WWC2: variants seen among roughly 807,000 people sequenced by gnomAD.
WWC2 encodes the protein protein WWC2.
WWC2 carries 101 observed loss-of-function variants against 138.5 expected under a neutral mutation model. The observed-to-expected ratio is 0.73, with a 90% CI of 0.62 to 0.86. The LOEUF (loss-of-function observed/expected upper bound fraction) is 0.86, where lower values mean the gene tolerates loss of function less well. Ranked by LOEUF, WWC2 falls within the 40% of genes least tolerant of loss-of-function variation. The pLI is 0.00. For synonymous variants in WWC2, 558 were observed against 538.4 expected (o/e 1.04, Z -0.50); for missense variants, 1,420 against 1,419.4 (o/e 1.00, Z -0.01).
intron 1 of WWC2, among the ~76,000 whole-genome samples, chr4:183,156,217 G>C (rs1345935113): frequency 6.6e-6 from 1 of 151,914 alleles, no homozygotes; most frequent in East Asian, 1.9e-4. Flanking sequence ...GTAGAGATGG[G>C]GTTTTGCCAT....
chr4:183,241,279 CTG>C (rs2111313711), intron 5 of WWC2, among the ~76,000 whole-genome samples: 1 of 152,320 alleles, frequency 6.6e-6, no homozygotes, highest in African/African-American at 2.4e-5. Flanking sequence ...TTCCTTTTCC[CTG>C]TGGAATCTTA....
chr4:183,144,063 T>C (rs1312304056), intron 1 of WWC2, among the ~76,000 whole-genome samples: 1 of 152,180 alleles, frequency 6.6e-6, no homozygotes, highest in Non-Finnish European at 1.5e-5. Context: ...TATAATAAAC[T>C]CTTCTGAGTA....
At chr4:183,237,163 G>T (rs1388741477) in intron 4 of WWC2, among the ~76,000 whole-genome samples, 1 of 152,152 alleles carries the variant, frequency 6.6e-6, no homozygotes, top group Non-Finnish European at 1.5e-5. Context: ...AGTTTTCATT[G>T]TAGAAATCTT....
chr4:183,204,125 C>T (rs907010469), intron 2 of WWC2, among the ~76,000 whole-genome samples: 1 of 152,202 alleles, frequency 6.6e-6, no homozygotes, highest in East Asian at 1.9e-4. Context: ...TGCAAAGTCT[C>T]TGACTCCACA....
chr4:183,229,472 GA>G (rs1560854859), intron 4 of WWC2, among the ~76,000 whole-genome samples: 1 of 151,956 alleles, frequency 6.6e-6, no homozygotes, highest in East Asian at 1.9e-4. Context: ...CTGACAAATA[GA>G]GTATGGAAAG....
chr4:183,107,077 C>T (rs1743385493), intron 1 of WWC2, among the ~76,000 whole-genome samples: 1 of 152,060 alleles, frequency 6.6e-6, no homozygotes, highest in African/African-American at 2.4e-5. Context: ...CTCACCAACA[C>T]TTCTCTCTCT....
At position 183,152,530 on chromosome 4, in the gene WWC2, TAAAAAA is replaced by T. The variant is rs572757609; in HGVS notation, c.132-41058_132-41053del. Among the ~76,000 whole-genome samples, 5 of 126,278 alleles carry T rather than the reference TAAAAAA, an allele frequency of 4.0e-5. No individual in the cohort carries two copies. In the South Asian group the frequency reaches 1.3e-3, roughly 32 times the overall value. The allele number at this position is 126,278 out of a possible 152,430, so 82.8% of individuals were successfully genotyped here. A position where few individuals can be genotyped will look rare whatever the true frequency, so the allele number is the denominator to read the frequency against. ...AAAAGAAAAAAGGTAAAGTGAAACT[TAAAAAA>T]AAAAAAAAAACGCACACACAGGCGT... is the stretch of plus-strand genomic sequence containing the variant. On this transcript the variant is annotated intron_variant, in intron 1 of 22. Coordinates refer to ENST00000403733, the MANE Select transcript of WWC2 (RefSeq NM_024949.6).
chr4:183,177,485 G>A (rs1249303193), intron 1 of WWC2, among the ~76,000 whole-genome samples: 5 of 152,024 alleles, frequency 3.3e-5, no homozygotes, highest in African/African-American at 1.2e-4. Flanking sequence ...AATCAAAGAA[G>A]GAAATTGTAG....
intron 2 of WWC2, among the ~76,000 whole-genome samples, chr4:183,204,478 A>T (rs552665342): frequency 6.6e-6 from 1 of 152,198 alleles, no homozygotes; most frequent in South Asian, 2.1e-4. Context: ...TTACTCCCTA[A>T]CCAGTGCTCT....
intron 4 of WWC2, among the ~76,000 whole-genome samples, chr4:183,220,639 C>T (rs1485215882): frequency 7.2e-5 from 11 of 151,792 alleles, no homozygotes; most frequent in East Asian, 5.8e-4. Flanking sequence ...TTGAGACCAT[C>T]CTGGCTAACA....
At chr4:183,217,693 G>A (rs1280611786) in intron 4 of WWC2, among the ~76,000 whole-genome samples, 1 of 152,090 alleles carries the variant, frequency 6.6e-6, no homozygotes, top group Non-Finnish European at 1.5e-5. Flanking sequence ...AAAGATCAGT[G>A]AAGTTAAAGA....
intron 6 of WWC2, among the ~76,000 whole-genome samples, 152 bp downstream of exon 6, chr4:183,245,697 C>A (rs1736756507): frequency 6.6e-6 from 1 of 152,186 alleles, no homozygotes. Flanking sequence ...TTGTTGCAGG[C>A]ACAAAGGTAG....
At chr4:183,301,466 C>G (rs1191586461) in intron 21 of WWC2, among the ~76,000 whole-genome samples, 1 of 151,952 alleles carries the variant, frequency 6.6e-6, no homozygotes. Context: ...AAAAAAATAC[C>G]TGGAAAAAGA....
At position 183,187,692 on chromosome 4, in the gene WWC2, G is replaced by T. The variant is rs188272632; in HGVS notation, c.132-5907G>T. The stretch of plus-strand genomic sequence containing the variant: ...TCGAGACCAGCCTGACCAACACGGA[G>T]AAACCCCATCTCTACTAAAAATACA... On this transcript the variant is annotated intron_variant, in intron 1 of 22. Transcript: ENST00000403733. 3.0e-3 allele frequency among the ~76,000 whole-genome samples: 462 copies of T among 151,630 alleles called. 3 individuals are homozygous for T. The highest frequency in any genetic ancestry group is 4.6e-3 in the Non-Finnish European group (310 of 67,890).
In WWC2 at chr4:183,250,005, G is replaced by A; in HGVS notation, c.953+12G>A. 6.2e-7 allele frequency: 1 copy of A among 1,612,082 alleles called. No individual in the cohort carries two copies. The highest frequency in any genetic ancestry group is 1.1e-5 in the South Asian group (1 of 90,798). On this transcript the variant is annotated intron_variant, in intron 8 of 22. Transcript: ENST00000403733. Reference sequence around the variant, plus strand: ...GAAGCCAAAAGAAGGTAATGACAGAGAAGCTGTTTTGTGCATGGCTCAAAC... The same window carrying A: ...GAAGCCAAAAGAAGGTAATGACAGAAAAGCTGTTTTGTGCATGGCTCAAAC...
rs138667504 is a variant in WWC2 at position 183,133,696 on chromosome 4, C to T, written c.131+34074C>T. Among the ~76,000 whole-genome samples the T allele has an allele frequency of 4.7e-3, 710 of 152,224 alleles. 2 individuals are homozygous for T. Among genetic ancestry groups the T allele is most frequent in the Middle Eastern group, 6.8e-3 (2 of 294 alleles). On this transcript the variant is annotated intron_variant, in intron 1 of 22. Transcript: ENST00000403733. ...ATTTTTAGTAGAGACGGGGTTTCAC[C>T]GTGTTGGCCAGGCTGGTCTTGAACT...
chr4:183,240,370 A>G, intron 5 of WWC2, 108 bp downstream of exon 5: 1 of 856,200 alleles, frequency 1.2e-6, no homozygotes, highest in South Asian at 2.8e-5. Flanking sequence ...AGAAACGTAA[A>G]GTAAAAAAGT....
At chr4:183,274,330 A>G (rs1331122535) in intron 16 of WWC2, among the ~76,000 whole-genome samples, 1 of 152,228 alleles carries the variant, frequency 6.6e-6, no homozygotes, top group East Asian at 1.9e-4. Flanking sequence ...TCATCATAAC[A>G]GTTCTAAGTC....
chr4:183,248,622 A>T, intron 6 of WWC2, 92 bp from the exon 7 acceptor site: 1 of 1,304,404 alleles, frequency 7.7e-7, no homozygotes, highest in African/African-American at 1.5e-5. Flanking sequence ...TTTTCCATTG[A>T]GATTAGCTCT....
Sources: allele counts gnomAD v4.1 joint callset (sites outside exome capture counted in the v4.1 genomes callset), GRCh38; gene constraint gnomAD v4.1.1; transcripts MANE v1.5; gene names NCBI Gene and HGNC (gene_info 2026-07-23, HGNC 2026-07-21).